The following GMDS variants were observed in gnomAD, a reference collection of about 807,000 sequenced individuals.
The protein encoded by GMDS is GDP-mannose 4,6 dehydratase.
GMDS carries 20 observed loss-of-function variants against 49.9 expected under a neutral mutation model. The observed-to-expected ratio is 0.40, with a 90% CI of 0.28 to 0.58. The LOEUF is 0.58. GMDS is among the 20% of genes least tolerant of loss of function. GMDS has a pLI of 0.42. For synonymous variants in GMDS, 177 were observed against 178.6 expected (o/e 0.99, Z 0.07); for missense variants, 362 against 481.4 (o/e 0.75, Z 2.32).
intron 1 of GMDS, among the ~76,000 whole-genome samples, chr6:2,204,287 C>G (rs1561655558): frequency 6.6e-6 from 1 of 152,116 alleles, no homozygotes. Flanking sequence ...CCCTTCTTCC[C>G]CCAAATCTTG....
chr6:2,149,271 A>G (rs1776728943), intron 1 of GMDS, among the ~76,000 whole-genome samples: 1 of 152,204 alleles, frequency 6.6e-6, no homozygotes, highest in African/African-American at 2.4e-5. Flanking sequence ...TGAAGAGAGC[A>G]TCAGTTTTGT....
rs572354136 is a variant in GMDS at position 1,720,756 on chromosome 6, G to A, written c.987+5660C>T. 1.8e-3 allele frequency among the ~76,000 whole-genome samples: 273 copies of A among 152,294 alleles called. 2 individuals carry two copies. The highest frequency in any genetic ancestry group is 1.4e-3 in the Non-Finnish European group (97 of 68,026). On this transcript the variant is annotated intron_variant, in intron 9 of 10. Transcript: ENST00000380815. ...CCCTGGCTCCCGCTGGTCAGAGAAA[G>A]GAACAAAGAAGAGCAGGGGTGGAGG... is the stretch of plus-strand genomic sequence containing the variant.
intron 4 of GMDS, among the ~76,000 whole-genome samples, chr6:2,009,815 CA>C (rs887439802): frequency 8.5e-5 from 13 of 152,218 alleles, no homozygotes; most frequent in African/African-American, 2.9e-4. Context: ...TACAAAGTAT[CA>C]AAAAACACGT....
At chr6:2,224,972 G>T (rs1780752384) in intron 1 of GMDS, among the ~76,000 whole-genome samples, 2 of 152,232 alleles carry the variant, frequency 1.3e-5, no homozygotes, top group Admixed American at 6.5e-5. Flanking sequence ...AACTGGCAGA[G>T]AGGAGATTTG....
chr6:1,785,093 AG>A lies in GMDS; in HGVS notation c.772-42508del, dbSNP rs1232426849. ...GAATCAACATAAAACTGCTGGATAAAGCTATAGTAACACCTCAAAGTCTAAG... is the reference window on the plus strand; with the variant it reads ...GAATCAACATAAAACTGCTGGATAAACTATAGTAACACCTCAAAGTCTAAG... On this transcript the variant is annotated intron_variant, in intron 7 of 10. Transcript: ENST00000380815. 6.0e-4 allele frequency among the ~76,000 whole-genome samples: 91 copies of A among 152,232 alleles called. 1 individual carries two copies. The highest frequency in any genetic ancestry group is 4.1e-4 in the Non-Finnish European group (28 of 68,034).
chr6:2,039,841 T>C (rs907577770), intron 4 of GMDS, among the ~76,000 whole-genome samples: 6 of 152,156 alleles, frequency 3.9e-5, no homozygotes, highest in Non-Finnish European at 5.9e-5. Flanking sequence ...TCTAAAATAA[T>C]GATGAAAAAG....
intron 6 of GMDS, among the ~76,000 whole-genome samples, chr6:1,958,115 GTTTT>G (rs35647807): frequency 1.5e-5 from 2 of 129,446 alleles, no homozygotes; most frequent in Non-Finnish European, 1.6e-5. Context: ...CTTAAAATAT[GTTTT>G]TTTTTTTTTT....
chr6:1,799,325 C>CT (rs549936538), intron 7 of GMDS, among the ~76,000 whole-genome samples: 6 of 152,280 alleles, frequency 3.9e-5, no homozygotes, highest in Admixed American at 3.9e-4. Context: ...GATTTAATCT[C>CT]TAACGATGAT....
At chr6:2,074,061 T>C (rs1433753467) in intron 4 of GMDS, among the ~76,000 whole-genome samples, 1 of 152,224 alleles carries the variant, frequency 6.6e-6, no homozygotes, top group African/African-American at 2.4e-5. Context: ...AGTATGACAG[T>C]TCTATTTTTA....
At chr6:2,222,337 G>A (rs1561668771) in intron 1 of GMDS, among the ~76,000 whole-genome samples, 1 of 152,130 alleles carries the variant, frequency 6.6e-6, no homozygotes, top group East Asian at 1.9e-4. Flanking sequence ...GCAGTGAATG[G>A]GATTCCTCCA....
At chr6:1,976,757 A>G (rs1764927046) in intron 4 of GMDS, among the ~76,000 whole-genome samples, 1 of 152,238 alleles carries the variant, frequency 6.6e-6, no homozygotes, top group Non-Finnish European at 1.5e-5. Flanking sequence ...TCTAATAGAA[A>G]CAAAAGGTAT....
intron 4 of GMDS, among the ~76,000 whole-genome samples, chr6:2,011,097 C>T (rs1037964337): frequency 6.6e-6 from 1 of 151,994 alleles, no homozygotes; most frequent in African/African-American, 2.4e-5. Context: ...ACAAATGTGA[C>T]AAATAAAAAC....
At chr6:2,145,111 A>G (rs1427239353) in intron 1 of GMDS, among the ~76,000 whole-genome samples, 2 of 152,222 alleles carry the variant, frequency 1.3e-5, no homozygotes, top group African/African-American at 4.8e-5. Context: ...CTAATTTTCA[A>G]TTAGGTGTAT....
rs950924304 is a variant in GMDS, at chr6:2,053,547, T to TC, written c.345+62223dup. On this transcript the variant is annotated intron_variant, in intron 4 of 10. Coordinates refer to ENST00000380815, the MANE Select transcript of GMDS (RefSeq NM_001500.4). ...TAAATTTTTACATTTTTCATTATTT[T>TC]CCACATTGAAACCTACACTTATTAA... is the stretch of plus-strand genomic sequence containing the variant. Among the ~76,000 whole-genome samples the TC allele has an allele frequency of 8.5e-4, 129 of 152,192 alleles. 1 individual carries two copies. The highest frequency in any genetic ancestry group is 3.0e-3 in the African/African-American group (123 of 41,570).
chr6:1,893,698 A>T (rs1760006743), intron 7 of GMDS, among the ~76,000 whole-genome samples: 1 of 152,218 alleles, frequency 6.6e-6, no homozygotes, highest in Non-Finnish European at 1.5e-5. Context: ...GCTGCAATAA[A>T]AGGCAGTGTG....
At chr6:1,785,423 A>G (rs1253019712) in intron 7 of GMDS, among the ~76,000 whole-genome samples, 1 of 152,176 alleles carries the variant, frequency 6.6e-6, no homozygotes, top group African/African-American at 2.4e-5. Flanking sequence ...CGCAATTTGG[A>G]CAGAGGTGTT....
chr6:1,780,534 C>CT (rs1030131050), intron 7 of GMDS, among the ~76,000 whole-genome samples: 3 of 152,218 alleles, frequency 2.0e-5, no homozygotes, highest in African/African-American at 4.8e-5. Context: ...CACCAGGAGC[C>CT]TTTTGGTCAG....
chr6:1,970,605 C>G (rs1289322317), intron 4 of GMDS, among the ~76,000 whole-genome samples: 1 of 152,184 alleles, frequency 6.6e-6, no homozygotes, highest in African/African-American at 2.4e-5. Flanking sequence ...AGCCTGTAGC[C>G]TGCCTTATGG....
intron 7 of GMDS, among the ~76,000 whole-genome samples, chr6:1,899,806 G>T (rs952548047): frequency 1.3e-5 from 2 of 150,904 alleles, no homozygotes; most frequent in Non-Finnish European, 1.5e-5. Context: ...CCTGCAACAG[G>T]GCACCCTGTC....
Sources: gnomAD v4.1 joint callset for allele counts (sites outside exome capture counted in the v4.1 genomes callset) on GRCh38, gnomAD v4.1.1 for gene constraint, MANE v1.5 for transcripts, NCBI Gene and HGNC (gene_info 2026-07-23, HGNC 2026-07-21) for gene names.